DPF3: variants seen among roughly 807,000 people sequenced by gnomAD.
The protein encoded by DPF3 is double PHD fingers 3.
Under a neutral mutation model 56.8 loss-of-function variants are expected in DPF3, and 18 were observed. The observed-to-expected ratio is 0.32, with a 90% CI of 0.22 to 0.47. DPF3 has a LOEUF of 0.47. Ranked by LOEUF, DPF3 falls within the 20% of genes least tolerant of loss-of-function variation. The pLI is 1.00. For synonymous variants in DPF3, 188 were observed against 180.2 expected, an observed-to-expected ratio of 1.04 and a Z score of -0.35; for missense variants, 403 against 488.8, an observed-to-expected ratio of 0.82 and a Z score of 1.65.
chr14:72,627,539 G>C (rs1007713897), intron 9 of DPF3, among the ~76,000 whole-genome samples: 2 of 151,990 alleles, frequency 1.3e-5, no homozygotes, highest in African/African-American at 4.8e-5. Context: ...GTGCCACACT[G>C]TTTTATCTAT....
chr14:72,809,551 G>A (rs1364711294), intron 1 of DPF3, among the ~76,000 whole-genome samples: 4 of 152,230 alleles, frequency 2.6e-5, no homozygotes, highest in African/African-American at 9.6e-5. Context: ...GAAGTGCATG[G>A]GGAGGCCTGG....
intron 2 of DPF3, among the ~76,000 whole-genome samples, chr14:72,763,600 T>C (rs1195370168): frequency 6.6e-6 from 1 of 151,968 alleles, no homozygotes; most frequent in Non-Finnish European, 1.5e-5. Flanking sequence ...AAATGAATCA[T>C]AGACCTAAAT....
At chr14:72,821,017 C>A (rs1020192726) in intron 1 of DPF3, among the ~76,000 whole-genome samples, 1 of 151,860 alleles carries the variant, frequency 6.6e-6, no homozygotes, top group Non-Finnish European at 1.5e-5. Context: ...GTTTGTAATC[C>A]CAGCTGCTTG....
chr14:72,754,568 G>A (rs982561081), intron 2 of DPF3, among the ~76,000 whole-genome samples: 9 of 152,108 alleles, frequency 5.9e-5, no homozygotes, highest in South Asian at 2.1e-4. Context: ...GGACGCAGGC[G>A]GCCTACCACA....
At chr14:72,893,411 T>C (rs1287443165) in intron 1 of DPF3, among the ~76,000 whole-genome samples, 2 of 150,640 alleles carry the variant, frequency 1.3e-5, no homozygotes, top group African/African-American at 2.5e-5. Context: ...ATCCGGGGGC[T>C]GCCGGGGAAA....
intron 8 of DPF3, chr14:72,671,337 A>G: frequency 6.2e-7 from 1 of 1,613,946 alleles, no homozygotes; most frequent in Non-Finnish European, 8.5e-7. Context: ...CTCCCAAATG[A>G]GCTGACATGT....
chr14:72,674,343 G>A lies in DPF3; in HGVS notation c.768C>T (p.Val256=), dbSNP rs369790866. The part of the protein sequence containing the change: ...HRPQKGPDGT[V]IPNNYCDFCL... Reference sequence around the variant, plus strand: ...AGAAGTCACAGTAGTTATTGGGAATGACTGTTCCATCCGGTCCTTTCTGGG... The same window carrying A: ...AGAAGTCACAGTAGTTATTGGGAATAACTGTTCCATCCGGTCCTTTCTGGG... The change falls in exon 8 of 11, where the codon GTC becomes GTT. Residue 256 remains valine, a synonymous_variant. Coordinates refer to ENST00000556509, the MANE Select transcript of DPF3 (RefSeq NM_001280542.3). The A allele has an allele frequency of 5.6e-6, 9 of 1,612,856 alleles. No individual in the cohort carries two copies. The highest frequency in any genetic ancestry group is 7.6e-6 in the Non-Finnish European group (9 of 1,179,580).
rs1886887185 is a variant in DPF3 at position 72,894,062 on chromosome 14, CA to C, written c.26del (p.Leu9ArgfsTer90). The stretch of plus-strand genomic sequence containing the variant: ...CATTTTTTAGTCTTACTTACGCTTT[CA>C]GGGGGTTGTGAATGACAGTCGCCAT... MATVIHNP[L>X]KALGDQFYKE... On this transcript the variant is annotated frameshift_variant, in exon 1 of 11. Coordinates refer to ENST00000556509, the MANE Select transcript of DPF3 (RefSeq NM_001280542.3). LOFTEE classifies it high-confidence loss of function. 1.2e-6 allele frequency: 2 copies of C among 1,610,294 alleles called. No homozygotes were observed. Among genetic ancestry groups the C allele is most frequent in the Non-Finnish European group, 8.5e-7 (1 of 1,178,654 alleles).
At chr14:72,880,915 A>AGGAGAAGGCAGCCTCCAGT (rs1292286898) in intron 1 of DPF3, among the ~76,000 whole-genome samples, 2 of 152,244 alleles carry the variant, frequency 1.3e-5, no homozygotes, top group African/African-American at 2.4e-5. Flanking sequence ...TGAGGGTTAA[A>AGGAGAAGGCAGCCTCCAGT]GGAGAAGGCA....
intron 1 of DPF3, among the ~76,000 whole-genome samples, chr14:72,863,555 TA>T (rs76280301): frequency 0.013 from 1,391 of 104,304 alleles, 17 homozygotes; most frequent in African/African-American, 0.036. Flanking sequence ...TGTAGGATTC[TA>T]AAAAAAAAAA....
intron 9 of DPF3, among the ~76,000 whole-genome samples, chr14:72,625,689 T>G (rs1884782224): frequency 6.6e-6 from 1 of 152,218 alleles, no homozygotes; most frequent in African/African-American, 2.4e-5. Flanking sequence ...TCTCTACTTA[T>G]TTCTGTCTAT....
At chr14:72,664,781 T>C (rs896193579) in intron 8 of DPF3, among the ~76,000 whole-genome samples, 1 of 152,218 alleles carries the variant, frequency 6.6e-6, no homozygotes, top group Admixed American at 6.5e-5. Context: ...GTTCTCAGTT[T>C]ATTTCAACAA....
chr14:72,711,739 C>G (rs1279735509), intron 6 of DPF3, among the ~76,000 whole-genome samples: 1 of 152,084 alleles, frequency 6.6e-6, no homozygotes, highest in Non-Finnish European at 1.5e-5. Context: ...ACAAGGGGAC[C>G]TGTAGGAGAG....
intron 3 of DPF3, among the ~76,000 whole-genome samples, chr14:72,752,877 T>C (rs1278694171): frequency 1.3e-5 from 2 of 152,200 alleles, no homozygotes; most frequent in Non-Finnish European, 2.9e-5. Context: ...GTGTATTATC[T>C]TCTCCTTAGA....
chr14:72,801,339 G>A (rs1892883896), intron 1 of DPF3, among the ~76,000 whole-genome samples: 1 of 152,184 alleles, frequency 6.6e-6, no homozygotes, highest in Non-Finnish European at 1.5e-5. Context: ...GACACTAAGT[G>A]GCTCAAAGAA....
intron 8 of DPF3, among the ~76,000 whole-genome samples, chr14:72,636,870 T>C (rs1443247801): frequency 2.0e-5 from 3 of 152,140 alleles, no homozygotes; most frequent in African/African-American, 7.2e-5. Context: ...AGAAAGAGAA[T>C]GGAAAGGACA....
chr14:72,674,608 G>A (rs1886830499), intron 7 of DPF3, among the ~76,000 whole-genome samples: 1 of 152,288 alleles, frequency 6.6e-6, no homozygotes, highest in African/African-American at 2.4e-5. Flanking sequence ...TGTTGTTGCA[G>A]AAATCACCCT....
intron 1 of DPF3, among the ~76,000 whole-genome samples, chr14:72,799,754 T>C (rs1323869512): frequency 6.6e-6 from 1 of 152,118 alleles, no homozygotes; most frequent in African/African-American, 2.4e-5. Context: ...ATCCTGGAAC[T>C]TCTGGGGGAA....
intron 3 of DPF3, among the ~76,000 whole-genome samples, chr14:72,749,484 A>C (rs1890468144): frequency 6.6e-6 from 1 of 152,308 alleles, no homozygotes; most frequent in East Asian, 1.9e-4. Flanking sequence ...TGCTGAAACG[A>C]GTTGAGACTT....
Sources: allele counts gnomAD v4.1 joint callset (sites outside exome capture counted in the v4.1 genomes callset), GRCh38; gene constraint gnomAD v4.1.1; transcripts MANE v1.5; gene names NCBI Gene and HGNC (gene_info 2026-07-23, HGNC 2026-07-21).